The following NEDD4L variants were observed in gnomAD, a reference collection of about 807,000 sequenced individuals.
The protein encoded by NEDD4L is E3 ubiquitin-protein ligase NEDD4-like.
Under a neutral mutation model 148.9 loss-of-function variants are expected in NEDD4L, and 54 were observed. The ratio of observed to expected loss-of-function variants is 0.36; its 90% CI spans 0.29 to 0.45. The LOEUF (loss-of-function observed/expected upper bound fraction) is 0.45, where lower values mean the gene tolerates loss of function less well. Ranked by LOEUF, NEDD4L falls within the 20% of genes least tolerant of loss-of-function variation. The probability of loss-of-function intolerance (pLI) is 1.00; values close to 1 mark genes in which losing one functional copy is unlikely to be tolerated. For missense variants in NEDD4L, 856 were observed against 1,233.8 expected, an observed-to-expected ratio of 0.69 and a Z score of 4.59; for synonymous variants, 433 against 440.7, an observed-to-expected ratio of 0.98 and a Z score of 0.22.
rs1057070731 is a variant in NEDD4L, at chr18:58,370,315, G to A, written c.2186-82G>A. On this transcript the variant is annotated intron_variant, in intron 22 of 30. Transcript: ENST00000400345. ...TCATGGTTTCTCATTTACATTGAAAGCAGGTTAATCTTTTCTTTCATGCTC... is the reference window on the plus strand; with the variant it reads ...TCATGGTTTCTCATTTACATTGAAAACAGGTTAATCTTTTCTTTCATGCTC... 5.1e-5 allele frequency: 43 copies of A among 843,422 alleles called. No individual in the cohort carries two copies. The African/African-American group carries it at 6.3e-4, about 12-fold the overall frequency. The allele number at this position is 843,422 out of a possible 1,614,324, so 52.2% of individuals were successfully genotyped here.
chr18:58,063,991 G>A (rs1227959879), intron 1 of NEDD4L, among the ~76,000 whole-genome samples: 1 of 120,244 alleles, frequency 8.3e-6, no homozygotes, highest in African/African-American at 3.5e-5. Context: ...TTGAGACGGA[G>A]TCTTGTTCTG....
intron 1 of NEDD4L, among the ~76,000 whole-genome samples, chr18:58,131,820 T>G (rs1196331949): frequency 1.3e-5 from 2 of 152,230 alleles, no homozygotes; most frequent in Non-Finnish European, 2.9e-5. Flanking sequence ...TGTGTGCAGA[T>G]GCTTCTTGGA....
Position 58,136,271 on chromosome 18 carries a change from A to G in NEDD4L, c.49-29517A>G, listed in dbSNP as rs79781947. On this transcript the variant is annotated intron_variant, in intron 1 of 30. Coordinates refer to ENST00000400345, the MANE Select transcript of NEDD4L (RefSeq NM_001144967.3). The stretch of plus-strand genomic sequence containing the variant: ...CCTGAGCCGAGAAAGTGGAGTTTCA[A>G]GTAAGAACCCTGCTCCGCATCCTGC... 5.6e-3 allele frequency among the ~76,000 whole-genome samples: 855 copies of G among 152,336 alleles called. 3 individuals carry two copies. Among genetic ancestry groups the G allele is most frequent in the African/African-American group, 0.019 (809 of 41,574 alleles).
intron 5 of NEDD4L, among the ~76,000 whole-genome samples, chr18:58,306,025 G>A (rs996190293): frequency 1.3e-5 from 2 of 152,220 alleles, no homozygotes; most frequent in Non-Finnish European, 2.9e-5. Context: ...TATGATTCAA[G>A]AAGGGTGAGG....
Position 58,109,655 on chromosome 18 carries a change from C to G in NEDD4L, c.49-56133C>G, listed in dbSNP as rs550095975. Among the ~76,000 whole-genome samples the G allele has an allele frequency of 1.7e-3, 247 of 149,564 alleles. 1 individual carries two copies. The highest frequency in any genetic ancestry group is 5.9e-3 in the African/African-American group (241 of 40,660). Reference sequence around the variant, plus strand: ...GGCATGATCTCGGCTCACTCAACCTCTGCCTCCTGGGTACAAGCAACCCTC... The same window carrying G: ...GGCATGATCTCGGCTCACTCAACCTGTGCCTCCTGGGTACAAGCAACCCTC... On this transcript the variant is annotated intron_variant, in intron 1 of 30. Transcript: ENST00000400345.
At chr18:58,308,878 T>G (rs2057354408) in intron 5 of NEDD4L, among the ~76,000 whole-genome samples, 1 of 152,182 alleles carries the variant, frequency 6.6e-6, no homozygotes. Flanking sequence ...CATCACCCAG[T>G]GTACAAACAC....
intron 1 of NEDD4L, among the ~76,000 whole-genome samples, chr18:58,145,511 A>G (rs2146213895): frequency 6.6e-6 from 1 of 152,316 alleles, no homozygotes; most frequent in South Asian, 2.1e-4. Flanking sequence ...ATTGAATGAG[A>G]TAATGTCAAA....
At chr18:58,178,095 C>T (rs2038386436) in intron 2 of NEDD4L, among the ~76,000 whole-genome samples, 1 of 152,088 alleles carries the variant, frequency 6.6e-6, no homozygotes, top group South Asian at 2.1e-4. Context: ...GCTGATGGTC[C>T]ACGGGCTGCA....
chr18:58,311,813 C>T (rs17064750), intron 5 of NEDD4L, among the ~76,000 whole-genome samples: 6,977 of 152,324 alleles, frequency 0.046, 229 homozygotes, highest in East Asian at 0.13. Context: ...TCAGTGCTGA[C>T]AGATTTGACC....
rs138426521 is a variant in NEDD4L, at chr18:58,104,390, G to A, written c.48+59682G>A. Among the ~76,000 whole-genome samples, 389 of 152,246 alleles carry A rather than the reference G, an allele frequency of 2.6e-3. 1 individual carries two copies. The highest frequency in any genetic ancestry group is 8.5e-3 in the African/African-American group (355 of 41,538). On this transcript the variant is annotated intron_variant, in intron 1 of 30. Transcript: ENST00000400345. ...AATGGATGTGGAGATTCCTTCTGGG[G>A]CGACAGAAAATGTTTTGCAACCACG...
chr18:58,147,491 G>A (rs368488652), intron 1 of NEDD4L, among the ~76,000 whole-genome samples: 1 of 152,194 alleles, frequency 6.6e-6, no homozygotes, highest in African/African-American at 2.4e-5. Context: ...GCTTAGAGCT[G>A]CCTGAGCTTG....
intron 2 of NEDD4L, among the ~76,000 whole-genome samples, chr18:58,201,646 T>C (rs988665995): frequency 6.6e-6 from 1 of 152,246 alleles, no homozygotes. Context: ...TATGTTCTTA[T>C]TACGTTCGTG....
chr18:58,092,509 G>A (rs982895259), intron 1 of NEDD4L, among the ~76,000 whole-genome samples: 4 of 152,094 alleles, frequency 2.6e-5, no homozygotes, highest in Admixed American at 2.0e-4. Context: ...ACTAGGCAGG[G>A]CATTTCTGAT....
At chr18:58,161,620 T>G (rs919435099) in intron 1 of NEDD4L, among the ~76,000 whole-genome samples, 2 of 152,164 alleles carry the variant, frequency 1.3e-5, no homozygotes, top group Non-Finnish European at 2.9e-5. Context: ...AAAATGAGAT[T>G]ACATTGTACT....
chr18:58,224,180 G>A (rs2044094245), intron 2 of NEDD4L, among the ~76,000 whole-genome samples: 2 of 152,228 alleles, frequency 1.3e-5, no homozygotes, highest in African/African-American at 4.8e-5. Context: ...TACTCATCTG[G>A]CCTGCAGCAG....
chr18:58,102,893 A>C (rs991281397), intron 1 of NEDD4L, among the ~76,000 whole-genome samples: 1 of 152,204 alleles, frequency 6.6e-6, no homozygotes, highest in Non-Finnish European at 1.5e-5. Flanking sequence ...TAAAATATGT[A>C]CTGTAAAATT....
intron 1 of NEDD4L, among the ~76,000 whole-genome samples, chr18:58,128,032 T>C (rs555645936): frequency 2.6e-5 from 4 of 152,008 alleles, no homozygotes; most frequent in Admixed American, 6.6e-5. Flanking sequence ...TTTTGTTTTG[T>C]TTTGCTTTGC....
At position 58,247,047 on chromosome 18, in the gene NEDD4L, C is replaced by G. The variant is rs1054185093; in HGVS notation, c.204+1539C>G. ...GAATGAGAACCTGTCTCAAAAAAAACCCAAAAAACAAAACAAACCCCTTTC... is the reference window on the plus strand; with the variant it reads ...GAATGAGAACCTGTCTCAAAAAAAAGCCAAAAAACAAAACAAACCCCTTTC... On this transcript the variant is annotated intron_variant, in intron 3 of 30. Coordinates refer to ENST00000400345, the MANE Select transcript of NEDD4L (RefSeq NM_001144967.3). Among the ~76,000 whole-genome samples, 5 of 152,072 alleles carry G rather than the reference C, an allele frequency of 3.3e-5. No individual in the cohort carries two copies. In the East Asian group the frequency reaches 9.7e-4, roughly 29 times the overall value.
At chr18:58,368,253 A>T (rs1265825424) in intron 22 of NEDD4L, among the ~76,000 whole-genome samples, 3 of 151,970 alleles carry the variant, frequency 2.0e-5, no homozygotes, top group Non-Finnish European at 4.4e-5. Flanking sequence ...TCCCCAAATT[A>T]TTTTTTAATT....
Sources: allele counts gnomAD v4.1 joint callset (sites outside exome capture counted in the v4.1 genomes callset), GRCh38; gene constraint gnomAD v4.1.1; transcripts MANE v1.5; gene names NCBI Gene and HGNC (gene_info 2026-07-23, HGNC 2026-07-21).